The following TENM2 variants were observed in gnomAD, a reference collection of about 807,000 sequenced individuals.
TENM2 encodes teneurin transmembrane protein 2, also known as teneurin-2.
A neutral mutation model predicts 245.2 loss-of-function variants in TENM2; 52 were observed. The ratio of observed to expected loss-of-function variants is 0.21; its 90% CI spans 0.17 to 0.27. TENM2 has a LOEUF of 0.27. Ranked by LOEUF, TENM2 falls within the 10% of genes least tolerant of loss-of-function variation. TENM2 has a pLI of 1.00. For synonymous variants in TENM2, 1,363 were observed against 1,438.9 expected, an observed-to-expected ratio of 0.95 and a Z score of 1.19; for missense variants, 3,046 against 3,666.8, an observed-to-expected ratio of 0.83 and a Z score of 4.37.
chr5:167,877,308 G>A (rs888261001), intron 3 of TENM2, among the ~76,000 whole-genome samples: 6 of 152,116 alleles, frequency 3.9e-5, no homozygotes, highest in Non-Finnish European at 5.9e-5. Flanking sequence ...GACTCATTCT[G>A]GAAATGGAAT....
the TENM2 span, among the ~76,000 whole-genome samples, chr5:167,001,736 T>C: frequency 6.6e-6 from 1 of 152,100 alleles, no homozygotes; most frequent in Non-Finnish European, 1.5e-5. Flanking sequence ...TCAAAAGAAA[T>C]ACTATTGTAT....
At chr5:168,203,936 A>AT (rs1762140978) in intron 18 of TENM2, 104 bp downstream of exon 20, 2 of 1,031,694 alleles carry the variant, frequency 1.9e-6, no homozygotes, top group East Asian at 5.8e-5. Flanking sequence ...TCCCTGGGTC[A>AT]TTTTTTCATC....
chr5:167,830,155 G>A (rs1470991993), intron 2 of TENM2, among the ~76,000 whole-genome samples: 1 of 152,190 alleles, frequency 6.6e-6, no homozygotes, highest in Non-Finnish European at 1.5e-5. Context: ...ATCATCAGAT[G>A]GGCAGATGGG....
At chr5:168,000,389 A>G (rs762297438) in intron 5 of TENM2, among the ~76,000 whole-genome samples, 5 of 152,238 alleles carry the variant, frequency 3.3e-5, no homozygotes, top group Non-Finnish European at 4.4e-5. Flanking sequence ...TGTCGTAGAA[A>G]GCACATACAT....
chr5:167,469,812 C>A (rs1026594587), intron 2 of TENM2, among the ~76,000 whole-genome samples: 1 of 151,826 alleles, frequency 6.6e-6, no homozygotes, highest in Non-Finnish European at 1.5e-5. Flanking sequence ...ATAATGGAGA[C>A]AGCATGGGAG....
chr5:167,825,949 A>G (rs1439791406), intron 2 of TENM2, among the ~76,000 whole-genome samples: 1 of 151,710 alleles, frequency 6.6e-6, no homozygotes, highest in East Asian at 1.9e-4. Flanking sequence ...GTGTTCCCTG[A>G]GCTCCTGTGC....
chr5:167,255,416 A>C, the TENM2 span, among the ~76,000 whole-genome samples: 1 of 152,162 alleles, frequency 6.6e-6, no homozygotes, highest in African/African-American at 2.4e-5. Flanking sequence ...CTAAAAGCCC[A>C]TGTTCTTTCT....
intron 2 of TENM2, among the ~76,000 whole-genome samples, chr5:167,566,039 T>C (rs1017866927): frequency 1.3e-5 from 2 of 152,160 alleles, no homozygotes; most frequent in Non-Finnish European, 2.9e-5. Flanking sequence ...CAGAAAGATG[T>C]TTTTGCTTTT....
intron 2 of TENM2, among the ~76,000 whole-genome samples, chr5:167,561,504 G>A (rs912124265): frequency 1.3e-5 from 2 of 152,130 alleles, no homozygotes; most frequent in Non-Finnish European, 2.9e-5. Flanking sequence ...TGTGGTCCGT[G>A]GTTCAAAACA....
At chr5:167,414,125 C>T (rs556795239) in intron 2 of TENM2, among the ~76,000 whole-genome samples, 35 of 152,156 alleles carry the variant, frequency 2.3e-4, no homozygotes, top group South Asian at 2.3e-3. Context: ...AGCATTATCA[C>T]GATGACAGTT....
intron 2 of TENM2, among the ~76,000 whole-genome samples, chr5:167,429,030 C>T (rs72829350): frequency 0.15 from 23,073 of 152,102 alleles, 2,095 homozygotes; most frequent in South Asian, 0.24. Context: ...TATTTTTATA[C>T]ACGTGTGTTT....
At chr5:168,016,120 C>T (rs1171219573) in intron 5 of TENM2, among the ~76,000 whole-genome samples, 2 of 152,218 alleles carry the variant, frequency 1.3e-5, no homozygotes, top group Non-Finnish European at 2.9e-5. Flanking sequence ...ATGCTGGTCA[C>T]TAGGCTTTCC....
rs113497243 is a variant in TENM2 at position 167,335,213 on chromosome 5, G to A, written c.227-39985G>A. On this transcript the variant is annotated intron_variant, in intron 1 of 28. Coordinates refer to ENST00000518659, the Ensembl canonical transcript of TENM2. The stretch of plus-strand genomic sequence containing the variant: ...GGAGCAGGCACTTCACATGGGGAAA[G>A]CAGGAGCAAAGAGAGGGGAAGAGAG... Among the ~76,000 whole-genome samples, 1,519 of 152,290 alleles carry A rather than the reference G, an allele frequency of 1.0e-2. 10 individuals carry two copies. Among genetic ancestry groups the A allele is most frequent in the Non-Finnish European group, 0.016 (1,073 of 68,024 alleles).
At chr5:168,054,224 C>T (rs911671215) in intron 6 of TENM2, among the ~76,000 whole-genome samples, 1 of 152,116 alleles carries the variant, frequency 6.6e-6, no homozygotes, top group South Asian at 2.1e-4. Context: ...TTGTGAACAC[C>T]ATCACAGAAG....
chr5:167,513,996 T>TCTTCTTA (rs1482963881), intron 2 of TENM2, among the ~76,000 whole-genome samples: 1 of 152,202 alleles, frequency 6.6e-6, no homozygotes, highest in East Asian at 1.9e-4. Context: ...GCTGTTTCTT[T>TCTTCTTA]CAATGCCCAG....
chr5:167,275,092 A>G, the TENM2 span, among the ~76,000 whole-genome samples: 2 of 151,882 alleles, frequency 1.3e-5, no homozygotes, highest in Non-Finnish European at 2.9e-5. Flanking sequence ...TGGGTGTTCA[A>G]TTGCTCCAAT....
At chr5:167,864,198 C>T (rs571629867) in intron 2 of TENM2, among the ~76,000 whole-genome samples, 17 of 152,210 alleles carry the variant, frequency 1.1e-4, no homozygotes, top group African/African-American at 3.9e-4. Context: ...AAGCACATAG[C>T]AAAACACAGA....
At chr5:167,781,847 T>C (rs999865669) in intron 2 of TENM2, among the ~76,000 whole-genome samples, 6 of 151,018 alleles carry the variant, frequency 4.0e-5, no homozygotes, top group African/African-American at 1.5e-4. Flanking sequence ...CAAAACCCTG[T>C]CCCTACCAAA....
At chr5:168,086,044 CT>C (rs1562140162) in intron 7 of TENM2, among the ~76,000 whole-genome samples, 1 of 152,172 alleles carries the variant, frequency 6.6e-6, no homozygotes, top group South Asian at 2.1e-4. Context: ...GTCATCCCCC[CT>C]TTTTGGGGGG....
Sources: allele counts gnomAD v4.1 joint callset (sites outside exome capture counted in the v4.1 genomes callset), GRCh38; gene constraint gnomAD v4.1.1; transcripts MANE v1.5; gene names NCBI Gene and HGNC (gene_info 2026-07-23, HGNC 2026-07-21).